IP6K3: variants seen among roughly 807,000 people sequenced by gnomAD.
IP6K3 encodes the protein ATP:1D-myo-inositol-hexakisphosphate phosphotransferase.
IP6K3 carries 20 observed loss-of-function variants against 28.8 expected under a neutral mutation model. The ratio of observed to expected loss-of-function variants is 0.70; its 90% CI spans 0.49 to 1.01. The LOEUF is 1.01. IP6K3 is among the 50% of genes least tolerant of loss of function. The pLI is 0.00. For missense variants in IP6K3, 480 were observed against 537.1 expected, an observed-to-expected ratio of 0.89 and a Z score of 1.05; for synonymous variants, 213 against 221.3, an observed-to-expected ratio of 0.96 and a Z score of 0.33.
the IP6K3 span, among the ~76,000 whole-genome samples, chr6:33,752,532 A>T: frequency 6.6e-6 from 1 of 152,242 alleles, no homozygotes; most frequent in African/African-American, 2.4e-5. Context: ...GAAACACCAC[A>T]GCTGGAGGGG....
the IP6K3 span, among the ~76,000 whole-genome samples, chr6:33,758,185 CAG>C: frequency 1.3e-5 from 2 of 152,110 alleles, no homozygotes; most frequent in South Asian, 2.1e-4. Context: ...AAAGTCTGGT[CAG>C]AGAGTTTGGG....
the IP6K3 span, among the ~76,000 whole-genome samples, chr6:33,759,646 G>A: frequency 2.0e-5 from 3 of 152,186 alleles, no homozygotes; most frequent in Non-Finnish European, 2.9e-5. Flanking sequence ...GGTGGATCAT[G>A]AGGTCAGGAG....
the IP6K3 span, among the ~76,000 whole-genome samples, chr6:33,761,312 G>A: frequency 3.3e-5 from 5 of 152,070 alleles, no homozygotes; most frequent in East Asian, 3.9e-4. Flanking sequence ...CCTTCAGCCC[G>A]TCCCCTTCTC....
chr6:33,730,483 C>T (rs951372086), intron 2 of IP6K3, among the ~76,000 whole-genome samples: 5 of 152,302 alleles, frequency 3.3e-5, no homozygotes, highest in Admixed American at 1.3e-4. Context: ...ATAATGATAA[C>T]GCTGTCCCTG....
the IP6K3 span, among the ~76,000 whole-genome samples, chr6:33,754,564 G>A: frequency 6.6e-6 from 1 of 152,086 alleles, no homozygotes; most frequent in African/African-American, 2.4e-5. Flanking sequence ...GAGCTGGGCT[G>A]GCGGGGCTGA....
chr6:33,726,852 C>T lies in IP6K3; in HGVS notation c.468G>A (p.Ser156=), dbSNP rs1766135219. ...GGTTTCCGTTGGTGTCTTCCACCAG[C>T]GAGAAGGCTGGAGTGTTGAGGTGGG... ...SEPHLNTPAF[S]LVEDTNGNQV... The change falls in exon 4 of 6, where the codon TCG becomes TCA. Residue 156 remains serine (S), a synonymous_variant. Transcript: ENST00000293756. 5.0e-6 allele frequency: 8 copies of T among 1,613,376 alleles called. No homozygotes were observed. Among genetic ancestry groups the T allele is most frequent in the East Asian group, 2.2e-5 (1 of 44,850 alleles).
chr6:33,747,793 A>T (rs1486021462), upstream of IP6K3, among the ~76,000 whole-genome samples: 5 of 152,094 alleles, frequency 3.3e-5, no homozygotes, highest in Admixed American at 1.3e-4. The surrounding 1 kb of genome is among the most constrained non-coding windows in gnomAD (Gnocchi z 5.2). Flanking sequence ...GAGGTGCTTT[A>T]TGCCAGGAAG....
chr6:33,739,610 G>C (rs1165245479), intron 1 of IP6K3, among the ~76,000 whole-genome samples: 1 of 152,226 alleles, frequency 6.6e-6, no homozygotes, highest in Non-Finnish European at 1.5e-5. Flanking sequence ...AGCTCTGTGG[G>C]ATTGAGCTGG....
At position 33,728,110 on chromosome 6, in the gene IP6K3, C is replaced by T. The variant is rs779494641; in HGVS notation, c.390G>A (p.Gln130=). ...ACCTCTCCTTGGGTGAGCGTGCCAG[C>T]TGGGCATGCGGCCACTGGGCAAGGG... is the stretch of plus-strand genomic sequence containing the variant. ...DCTLAQWPHA[Q]LARSPKESPA... Residue 130 remains glutamine, a synonymous_variant, in exon 3 of 6, where the codon CAG becomes CAA. Coordinates refer to ENST00000293756, the MANE Select transcript of IP6K3 (RefSeq NM_054111.5). 1.2e-6 allele frequency: 2 copies of T among 1,606,378 alleles called. No individual in the cohort carries two copies. Among genetic ancestry groups the T allele is most frequent in the Non-Finnish European group, 1.7e-6 (2 of 1,179,878 alleles).
chr6:33,740,929 C>T (rs1028658123), intron 1 of IP6K3, among the ~76,000 whole-genome samples: 4 of 152,202 alleles, frequency 2.6e-5, no homozygotes, highest in African/African-American at 7.2e-5. Flanking sequence ...TTCTTATATC[C>T]GCAAACAGAC....
At chr6:33,734,840 G>A (rs791902) in intron 2 of IP6K3, among the ~76,000 whole-genome samples, 80,207 of 152,078 alleles carry the variant, frequency 0.53, 22,551 homozygotes, top group African/African-American at 0.69. Context: ...AAGCCACATC[G>A]CAGCATCCCA....
chr6:33,748,260 G>A (rs1469982546), upstream of IP6K3, among the ~76,000 whole-genome samples: 1 of 152,120 alleles, frequency 6.6e-6, no homozygotes, highest in African/African-American at 2.4e-5. Context: ...ACCTGTTGGT[G>A]TAGTACTTAC....
At position 33,728,313 on chromosome 6, in the gene IP6K3, A is replaced by G. The variant is rs1341604957; in HGVS notation, c.200-13T>C. The G allele has an allele frequency of 6.2e-7, 1 of 1,612,830 alleles. No homozygotes were observed. On this transcript the variant is annotated splice_polypyrimidine_tract_variant and intron_variant, in intron 2 of 5. Coordinates refer to ENST00000293756, the MANE Select transcript of IP6K3 (RefSeq NM_054111.5). ...ACTGTGACGGTACCTGCAAACACAC[A>G]GGGAAGGGGAGGGGAGGAGCCAGTT...
At chr6:33,724,000 G>T (rs12196663) in intron 5 of IP6K3, among the ~76,000 whole-genome samples, 1,765 of 152,350 alleles carry the variant, frequency 0.012, 14 homozygotes, top group Non-Finnish European at 0.017. Context: ...TGGCCGGGGG[G>T]GGGTGGCACC....
At chr6:33,729,231 C>A (rs1348268944) in intron 2 of IP6K3, among the ~76,000 whole-genome samples, 10 of 152,248 alleles carry the variant, frequency 6.6e-5, no homozygotes, top group African/African-American at 2.4e-4. Flanking sequence ...GGCCTTCCTC[C>A]GTGGAGCTTG....
chr6:33,753,680 T>C, the IP6K3 span, among the ~76,000 whole-genome samples: 111,240 of 152,122 alleles, frequency 0.73, 42,202 homozygotes, highest in East Asian at 0.96. Flanking sequence ...GGACTGCAGC[T>C]CCTTGCCAAG....
At chr6:33,755,305 C>T in the IP6K3 span, among the ~76,000 whole-genome samples, 1 of 152,274 alleles carries the variant, frequency 6.6e-6, no homozygotes, top group Non-Finnish European at 1.5e-5. Context: ...GTGCCCTTTC[C>T]AGCCCCTGCA....
the IP6K3 span, among the ~76,000 whole-genome samples, chr6:33,757,937 G>A: frequency 2.6e-5 from 4 of 152,144 alleles, no homozygotes; most frequent in Non-Finnish European, 4.4e-5. Flanking sequence ...CGAGGCAGGG[G>A]GGATCAGCTG....
Position 33,742,414 on chromosome 6 carries a change from GC to G in IP6K3, c.-180+4343del, listed in dbSNP as rs1766758650. On this transcript the variant is annotated intron_variant, in intron 1 of 5. Coordinates refer to ENST00000293756, the MANE Select transcript of IP6K3 (RefSeq NM_054111.5). The surrounding 1 kb of genome is among the most constrained non-coding windows in gnomAD (Gnocchi z 4.5). ...TCAGTAACCTGTGTCAGGATAGGGA[GC>G]TTTCAGAAGCTGCACCTGACTGGGC... 6.6e-6 allele frequency among the ~76,000 whole-genome samples: 1 copy of G among 152,142 alleles called. No homozygotes were observed. Among genetic ancestry groups the G allele is most frequent in the Non-Finnish European group, 1.5e-5 (1 of 68,020 alleles).
Sources: gnomAD v4.1 joint callset for allele counts (sites outside exome capture counted in the v4.1 genomes callset) on GRCh38, gnomAD v4.1.1 for gene constraint, Gnocchi (gnomAD v3.1) non-coding constraint, MANE v1.5 for transcripts, NCBI Gene and HGNC (gene_info 2026-07-23, HGNC 2026-07-21) for gene names.